PTPRD: variants seen among roughly 807,000 people sequenced by gnomAD.
PTPRD encodes receptor-type tyrosine-protein phosphatase delta.
Under a neutral mutation model 214.5 loss-of-function variants are expected in PTPRD, and 34 were observed. That is an observed-to-expected ratio of 0.16 (90% confidence interval 0.12 to 0.21). The LOEUF (loss-of-function observed/expected upper bound fraction) is 0.21, where lower values mean the gene tolerates loss of function less well. Ranked by LOEUF, PTPRD falls within the 10% of genes least tolerant of loss-of-function variation. The pLI, the probability that PTPRD is intolerant of heterozygous loss-of-function variation, is 1.00. For missense variants in PTPRD, 2,545 were observed against 2,398.7 expected (o/e 1.06, Z -1.27); for synonymous variants, 1,128 against 845.7 (o/e 1.33, Z -5.79).
chr9:10,051,745 C>T (rs2097539299), intron 3 of PTPRD, among the ~76,000 whole-genome samples: 1 of 152,098 alleles, frequency 6.6e-6, no homozygotes, highest in South Asian at 2.1e-4. Flanking sequence ...GCACCCTGTA[C>T]CCCTTTTCTG....
chr9:8,335,445 C>T (rs1482540022), intron 43 of PTPRD, among the ~76,000 whole-genome samples: 1 of 152,192 alleles, frequency 6.6e-6, no homozygotes, highest in Non-Finnish European at 1.5e-5. Flanking sequence ...TTCAACACCA[C>T]TTTGTGCTAA....
chr9:9,370,588 T>C (rs1030037986), intron 9 of PTPRD, among the ~76,000 whole-genome samples: 6 of 151,582 alleles, frequency 4.0e-5, no homozygotes, highest in Non-Finnish European at 5.9e-5. Context: ...CTTTTCCTAA[T>C]TGAATACCCT....
chr9:8,697,826 G>A (rs1294944344), intron 12 of PTPRD, among the ~76,000 whole-genome samples: 1 of 152,004 alleles, frequency 6.6e-6, no homozygotes, highest in Admixed American at 6.6e-5. Flanking sequence ...CATTATTGGT[G>A]GGAAGAATAA....
At chr9:10,439,690 A>C (rs939615741) in intron 2 of PTPRD, among the ~76,000 whole-genome samples, 3 of 151,874 alleles carry the variant, frequency 2.0e-5, no homozygotes, top group African/African-American at 7.2e-5. Flanking sequence ...AAAATAAGAA[A>C]GACACAGACT....
chr9:10,098,184 T>C (rs548436132), intron 3 of PTPRD, among the ~76,000 whole-genome samples: 1 of 151,810 alleles, frequency 6.6e-6, no homozygotes, highest in Non-Finnish European at 1.5e-5. Context: ...TGAGTTCATG[T>C]CCTTTGTAGG....
At chr9:9,083,295 T>C (rs1256522265) in intron 10 of PTPRD, among the ~76,000 whole-genome samples, 1 of 152,234 alleles carries the variant, frequency 6.6e-6, no homozygotes, top group East Asian at 1.9e-4. Context: ...AAAACAAGAA[T>C]GGGGAAAGGA....
rs13283706 is a variant in PTPRD, at chr9:10,008,130, C to T, written c.-472+25588G>A. On this transcript the variant is annotated intron_variant, in intron 4 of 45. Coordinates refer to ENST00000381196, the MANE Select transcript of PTPRD (RefSeq NM_002839.4). Reference sequence around the variant, plus strand: ...CAATAAAATCTTAAGCACCTCAACCCGCTTAACAAATTCCCTGTTGGCCCA... The same window carrying T: ...CAATAAAATCTTAAGCACCTCAACCTGCTTAACAAATTCCCTGTTGGCCCA... Among the ~76,000 whole-genome samples the T allele has an allele frequency of 5.5e-3, 838 of 151,874 alleles. 6 individuals carry two copies. The highest frequency in any genetic ancestry group is 0.014 in the Middle Eastern group (4 of 294).
intron 14 of PTPRD, among the ~76,000 whole-genome samples, chr9:8,566,519 A>G (rs1346442695): frequency 6.6e-6 from 1 of 152,204 alleles, no homozygotes; most frequent in Non-Finnish European, 1.5e-5. Flanking sequence ...TGGCCCTAAC[A>G]GCAATGTTCA....
chr9:8,816,914 T>C (rs2096931380), intron 11 of PTPRD, among the ~76,000 whole-genome samples: 1 of 152,240 alleles, frequency 6.6e-6, no homozygotes, highest in Non-Finnish European at 1.5e-5. Context: ...GAATCTTTTA[T>C]TGTCATTTCT....
intron 11 of PTPRD, among the ~76,000 whole-genome samples, chr9:8,938,328 G>A (rs985109606): frequency 1.3e-5 from 2 of 152,148 alleles, no homozygotes; most frequent in South Asian, 4.1e-4. Context: ...GAGAACACAA[G>A]ATGACAGAAA....
intron 8 of PTPRD, among the ~76,000 whole-genome samples, chr9:9,418,910 C>G (rs975155812): frequency 6.6e-6 from 1 of 151,748 alleles, no homozygotes; most frequent in East Asian, 1.9e-4. Context: ...TTGAATTGGG[C>G]TTTTAGTTGA....
intron 12 of PTPRD, among the ~76,000 whole-genome samples, chr9:8,680,048 C>G (rs931039109): frequency 5.3e-4 from 81 of 152,158 alleles, no homozygotes; most frequent in African/African-American, 1.8e-3. Context: ...TGAAACATTT[C>G]TTATAAATCA....
At chr9:10,037,436 G>A (rs911021364) in intron 3 of PTPRD, among the ~76,000 whole-genome samples, 1 of 152,050 alleles carries the variant, frequency 6.6e-6, no homozygotes. Flanking sequence ...ATATGAAGAT[G>A]CCTGCTCCAG....
intron 9 of PTPRD, among the ~76,000 whole-genome samples, chr9:9,270,760 G>T (rs1038028275): frequency 6.6e-6 from 1 of 151,372 alleles, no homozygotes; most frequent in African/African-American, 2.4e-5. Context: ...TTGACATGAT[G>T]GTATCTTTAG....
intron 11 of PTPRD, among the ~76,000 whole-genome samples, chr9:9,006,806 T>A (rs1388071929): frequency 6.6e-6 from 1 of 152,064 alleles, no homozygotes; most frequent in African/African-American, 2.4e-5. Flanking sequence ...TTTTTCTTTT[T>A]TTATAGTATG....
chr9:10,336,519 G>C (rs961621807), intron 3 of PTPRD, among the ~76,000 whole-genome samples: 1 of 151,548 alleles, frequency 6.6e-6, no homozygotes, highest in African/African-American at 2.4e-5. Context: ...AGCAAGCATA[G>C]AATAAATCAG....
chr9:8,740,350 TATAGAC>T (rs2091600401), intron 11 of PTPRD, among the ~76,000 whole-genome samples: 6 of 152,222 alleles, frequency 3.9e-5, no homozygotes, highest in Admixed American at 3.9e-4. Flanking sequence ...TGCCACATTC[TATAGAC>T]ATAAAGGACA....
At chr9:10,435,653 C>T (rs372081805) in intron 2 of PTPRD, among the ~76,000 whole-genome samples, 81 of 151,964 alleles carry the variant, frequency 5.3e-4, no homozygotes, top group African/African-American at 1.9e-3. Context: ...GAATTGCTTA[C>T]AGCACAGCAG....
chr9:10,075,905 T>G (rs570105785), intron 3 of PTPRD, among the ~76,000 whole-genome samples: 24 of 152,302 alleles, frequency 1.6e-4, no homozygotes, highest in African/African-American at 5.5e-4. Context: ...TATTTTCTTC[T>G]ACATAAATGC....
Sources: allele counts gnomAD v4.1 joint callset (sites outside exome capture counted in the v4.1 genomes callset), GRCh38; gene constraint gnomAD v4.1.1; transcripts MANE v1.5; gene names NCBI Gene and HGNC (gene_info 2026-07-23, HGNC 2026-07-21).